Variants in NUB1 observed in about 807,000 individuals in gnomAD.
NUB1 encodes the protein negative regulator of ubiquitin like proteins 1, also known as NEDD8 ultimate buster 1.
NUB1 carries 41 observed loss-of-function variants against 77.1 expected under a neutral mutation model. The ratio of observed to expected loss-of-function variants is 0.53; its 90% confidence interval spans 0.41 to 0.69. NUB1 has a LOEUF of 0.69. NUB1 is among the 30% of genes least tolerant of loss of function. The pLI is 0.00. For synonymous variants in NUB1, 257 were observed against 281.0 expected (o/e 0.91, Z 0.85); for missense variants, 643 against 743.8 (o/e 0.86, Z 1.58).
intron 1 of NUB1, among the ~76,000 whole-genome samples, chr7:151,344,704 A>G (rs1796396962): frequency 6.6e-6 from 1 of 150,790 alleles, no homozygotes; most frequent in African/African-American, 2.4e-5. Flanking sequence ...GTTTTATGTT[A>G]AACTAGCCAA....
intron 2 of NUB1, among the ~76,000 whole-genome samples, chr7:151,347,258 T>C (rs1796543864): frequency 6.6e-6 from 1 of 152,080 alleles, no homozygotes; most frequent in Non-Finnish European, 1.5e-5. Flanking sequence ...AATGTATTGC[T>C]GGACACAGTG....
rs1796673110 is a variant in NUB1, at chr7:151,349,234, A to T, written c.279A>T (p.Leu93=). 1.2e-6 allele frequency: 2 copies of T among 1,603,174 alleles called. No individual in the cohort carries two copies. The highest frequency in any genetic ancestry group is 1.3e-5 in the African/African-American group (1 of 74,092). The change falls in exon 3 of 15, where the codon CTA becomes CTT. Residue 93 remains leucine (L), a synonymous_variant. Coordinates refer to ENST00000568733, the MANE Select transcript of NUB1 (RefSeq NM_001243351.2). ...ATIEVFLPPR[L]KKDRKNLLET... ...TCGAGGTGTTTTTACCACCAAGACT[A>T]AAAAAAGTGAGTAATTTCCCTAAAT...
At chr7:151,349,557 G>A (rs1796687815) in intron 3 of NUB1, among the ~76,000 whole-genome samples, 1 of 152,222 alleles carries the variant, frequency 6.6e-6, no homozygotes, top group African/African-American at 2.4e-5. Context: ...AGCCTGTGCA[G>A]GAGGACACAG....
chr7:151,348,074 C>A (rs978911276), intron 2 of NUB1, among the ~76,000 whole-genome samples: 2 of 152,146 alleles, frequency 1.3e-5, no homozygotes, highest in African/African-American at 2.4e-5. Context: ...ATTCAAAATT[C>A]AAAATACTTC....
At chr7:151,373,235 T>G (rs1798041854) in intron 11 of NUB1, among the ~76,000 whole-genome samples, 1 of 152,240 alleles carries the variant, frequency 6.6e-6, no homozygotes, top group African/African-American at 2.4e-5. Context: ...CACTTAACTT[T>G]GTTGAAAGCT....
Position 151,345,429 on chromosome 7 carries a change from A to G in NUB1, c.80A>G (p.Tyr27Cys). ...EDRIQLWKPP[Y>C]TDENKKVGLA... ...AGGATTCAACTTTGGAAACCTCCAT[A>G]TACAGATGAAAATAAAAAAGTTGGT... The change falls in exon 2 of 15, where the codon TAT (tyrosine) becomes TGT (cysteine). Residue 27 changes from tyrosine (Y) to cysteine (C), a missense_variant. Coordinates refer to ENST00000568733, the MANE Select transcript of NUB1 (RefSeq NM_001243351.2). 1.2e-6 allele frequency: 2 copies of G among 1,607,280 alleles called. No homozygotes were observed. The highest frequency in any genetic ancestry group is 1.7e-6 in the Non-Finnish European group (2 of 1,177,438).
intron 1 of NUB1, 120 bp downstream of exon 1, chr7:151,341,966 G>A: frequency 3.0e-6 from 4 of 1,331,374 alleles, no homozygotes; most frequent in South Asian, 1.9e-5. Flanking sequence ...CGGGGCGGGG[G>A]TGAGCAGCCA....
chr7:151,360,423 C>G, intron 8 of NUB1, 176 bp downstream of exon 8: 1 of 473,210 alleles, frequency 2.1e-6, no homozygotes, highest in Non-Finnish European at 3.8e-6. Flanking sequence ...TCTAATTGAC[C>G]TTTCCTCCCT....
chr7:151,351,434 A>ACTT lies in NUB1; in HGVS notation c.297_299dup (p.Asn99_Leu100insPhe), dbSNP rs749280139. 1.2e-6 allele frequency: 2 copies of ACTT among 1,611,866 alleles called. No individual in the cohort carries two copies. The highest frequency in any genetic ancestry group is 1.7e-6 in the Non-Finnish European group (2 of 1,178,424). Reference sequence around the variant, plus strand: ...TCTTATTTTTAACAGGATAGGAAAAACTTGTTGGAGACCCGATTGCACATC... The same window carrying ACTT: ...TCTTATTTTTAACAGGATAGGAAAAACTTCTTGTTGGAGACCCGATTGCACATC... On this transcript the variant is annotated inframe_insertion, in exon 4 of 15. Coordinates refer to ENST00000568733, the MANE Select transcript of NUB1 (RefSeq NM_001243351.2).
At position 151,355,766 on chromosome 7, in the gene NUB1, A is replaced by G; in HGVS notation, c.416-2A>G. Reference sequence around the variant, plus strand: ...AATAATAGGCAGTTCTGATTTTTATAGGGAAAACCCTTGAAGAACAAGGCG... The same window carrying G: ...AATAATAGGCAGTTCTGATTTTTATGGGGAAAACCCTTGAAGAACAAGGCG... On this transcript the variant is annotated splice_acceptor_variant, in intron 5 of 14. Transcript: ENST00000568733. LOFTEE classifies it high-confidence loss of function. 1 of 1,574,736 alleles carries G rather than the reference A, an allele frequency of 6.4e-7. No homozygotes were observed. Among genetic ancestry groups the G allele is most frequent in the Non-Finnish European group, 8.6e-7 (1 of 1,161,428 alleles).
At position 151,374,147 on chromosome 7, in the gene NUB1, C is replaced by T. The variant is rs754174937; in HGVS notation, c.1299C>T (p.Leu433=). 37 of 1,575,520 alleles carry T rather than the reference C, an allele frequency of 2.3e-5. No homozygotes were observed. The highest frequency in any genetic ancestry group is 2.1e-4 in the South Asian group (18 of 85,558). ...KEEKEKKRRR[L]ENIRFLKGMG... is the part of the protein sequence containing the mutation. ...AAAAAGAGAAGAAAAGACGCCGCCTCGAGAACATCAGGTTTCTGAAAGGGA... is the reference window on the plus strand; with the variant it reads ...AAAAAGAGAAGAAAAGACGCCGCCTTGAGAACATCAGGTTTCTGAAAGGGA... The change falls in exon 12 of 15, where the codon CTC becomes CTT. Residue 433 remains leucine (L), a synonymous_variant. Transcript: ENST00000568733.
intron 2 of NUB1, among the ~76,000 whole-genome samples, chr7:151,346,957 C>T (rs2150663078): frequency 6.6e-6 from 1 of 152,170 alleles, no homozygotes; most frequent in South Asian, 2.1e-4. Flanking sequence ...GGGCTGAGCC[C>T]TTAAACCTGT....
Position 151,345,681 on chromosome 7 carries a change from A to G in NUB1, c.117+215A>G, listed in dbSNP as rs544178654. On this transcript the variant is annotated intron_variant, in intron 2 of 14. Coordinates refer to ENST00000568733, the MANE Select transcript of NUB1 (RefSeq NM_001243351.2). ...ATGTTATCTAATTTTTCAGGCATAT[A>G]TTTTTAATACCATCACAGGATTACA... Among the ~76,000 whole-genome samples, 19 of 152,306 alleles carry G rather than the reference A, an allele frequency of 1.2e-4. 1 individual carries two copies. In the South Asian group the frequency reaches 3.9e-3, roughly 32 times the overall value.
intron 11 of NUB1, among the ~76,000 whole-genome samples, chr7:151,371,218 C>G (rs1278787459): frequency 6.6e-6 from 1 of 152,192 alleles, no homozygotes; most frequent in Non-Finnish European, 1.5e-5. Context: ...CCCAAAATGG[C>G]CTAAACATCA....
intron 8 of NUB1, among the ~76,000 whole-genome samples, chr7:151,365,138 T>C (rs1009552795): frequency 6.6e-6 from 1 of 152,054 alleles, no homozygotes; most frequent in African/African-American, 2.4e-5. Flanking sequence ...AAATGCAATT[T>C]ATACCAGGCT....
At chr7:151,344,542 G>A (rs909134680) in intron 1 of NUB1, among the ~76,000 whole-genome samples, 2 of 150,560 alleles carry the variant, frequency 1.3e-5, no homozygotes, top group African/African-American at 4.9e-5. Context: ...GGCTGGTCTC[G>A]AACTCCTGAC....
Position 151,346,955 on chromosome 7 carries a change from C to T in NUB1, c.117+1489C>T, listed in dbSNP as rs1584934549. Among the ~76,000 whole-genome samples, 7 of 152,064 alleles carry T rather than the reference C, an allele frequency of 4.6e-5. No individual in the cohort carries two copies. In the South Asian group the frequency reaches 1.5e-3, roughly 32 times the overall value. ...AGTTAGGGCTTTTTTGTGGGCTGAG[C>T]CCTTAAACCTGTGGAGTCTAACGCT... On this transcript the variant is annotated intron_variant, in intron 2 of 14. Coordinates refer to ENST00000568733, the MANE Select transcript of NUB1 (RefSeq NM_001243351.2).
intron 1 of NUB1, 58 bp downstream of exon 1, chr7:151,341,904 C>A: frequency 7.0e-7 from 1 of 1,428,694 alleles, no homozygotes; most frequent in Admixed American, 2.9e-5. Context: ...TGCTTGGCGC[C>A]CCGGTTCCCG....
At chr7:151,348,554 GT>G (rs1400080412) in intron 2 of NUB1, among the ~76,000 whole-genome samples, 1 of 79,200 alleles carries the variant, frequency 1.3e-5, no homozygotes, top group East Asian at 3.4e-4. Context: ...AAATGTTTTT[GT>G]TTTTTGCTTT....
Sources: gnomAD v4.1 joint callset for allele counts (sites outside exome capture counted in the v4.1 genomes callset) on GRCh38, gnomAD v4.1.1 for gene constraint, MANE v1.5 for transcripts, NCBI Gene and HGNC (gene_info 2026-07-23, HGNC 2026-07-21) for gene names.